SH3D19: variants seen among roughly 807,000 people sequenced by gnomAD.
The protein encoded by SH3D19 is SH3 domain containing 19.
SH3D19 carries 58 observed loss-of-function variants against 112.1 expected under a neutral mutation model. The ratio of observed to expected loss-of-function variants is 0.52; its 90% CI spans 0.42 to 0.64. The LOEUF (loss-of-function observed/expected upper bound fraction) is 0.64. SH3D19 is among the 30% of genes least tolerant of loss of function. The pLI is 0.00. For missense variants in SH3D19, 1,090 were observed against 1,263.4 expected (o/e 0.86, Z 2.08); for synonymous variants, 391 against 448.5 (o/e 0.87, Z 1.62).
intron 2 of SH3D19, among the ~76,000 whole-genome samples, chr4:151,201,718 A>T (rs1426716082): frequency 6.6e-6 from 1 of 152,252 alleles, no homozygotes; most frequent in Non-Finnish European, 1.5e-5. Context: ...ACTCTAAAAA[A>T]TAATAAAATA....
In SH3D19 at chr4:151,132,323, C is replaced by T. The variant is rs773859354; in HGVS notation, c.2742+8G>A. The T allele has an allele frequency of 5.6e-6, 9 of 1,613,464 alleles. No individual in the cohort carries two copies. Among genetic ancestry groups the T allele is most frequent in the East Asian group, 2.2e-5 (1 of 44,892 alleles). Reference sequence around the variant, plus strand: ...CTGTCACTATAGTCATCTGTTCAAGCAGCCTACCTGAGAGTTTGAGCCAGA... The same window carrying T: ...CTGTCACTATAGTCATCTGTTCAAGTAGCCTACCTGAGAGTTTGAGCCAGA... On this transcript the variant is annotated splice_region_variant and intron_variant, in intron 17 of 19. Coordinates refer to ENST00000604030, the MANE Select transcript of SH3D19 (RefSeq NM_001378122.1).
chr4:151,294,794 A>G (rs543477128), intron 1 of SH3D19, among the ~76,000 whole-genome samples: 2 of 152,368 alleles, frequency 1.3e-5, no homozygotes, highest in South Asian at 4.1e-4. Context: ...ATAAATTCAT[A>G]TTATAATAAT....
intron 1 of SH3D19, among the ~76,000 whole-genome samples, chr4:151,280,114 C>T (rs1774065953): frequency 6.6e-6 from 1 of 152,256 alleles, no homozygotes. Flanking sequence ...CAACTAGAGA[C>T]AGGGCATAGA....
intron 1 of SH3D19, among the ~76,000 whole-genome samples, chr4:151,254,289 T>A (rs1161325228): frequency 3.6e-5 from 5 of 139,388 alleles, no homozygotes; most frequent in East Asian, 2.0e-4. Flanking sequence ...AATTATTATT[T>A]TTTTTATTTT....
chr4:151,212,122 T>C (rs994921957), intron 2 of SH3D19, among the ~76,000 whole-genome samples: 1 of 152,242 alleles, frequency 6.6e-6, no homozygotes, highest in African/African-American at 2.4e-5. Flanking sequence ...CTGATGACTT[T>C]AAGTTGAAGC....
intron 2 of SH3D19, among the ~76,000 whole-genome samples, chr4:151,196,838 G>C (rs974491994): frequency 6.6e-6 from 1 of 152,078 alleles, no homozygotes; most frequent in Non-Finnish European, 1.5e-5. Context: ...CTAAGGGCAT[G>C]AATAGACAAT....
intron 1 of SH3D19, among the ~76,000 whole-genome samples, chr4:151,231,852 G>A (rs1293387344): frequency 6.6e-6 from 1 of 152,188 alleles, no homozygotes; most frequent in African/African-American, 2.4e-5. Context: ...CCCAGGAAGG[G>A]AAGAATTGGA....
intron 9 of SH3D19, among the ~76,000 whole-genome samples, chr4:151,150,752 G>A (rs977604505): frequency 3.3e-5 from 5 of 152,176 alleles, no homozygotes; most frequent in African/African-American, 7.2e-5. Context: ...GAAACTGGAA[G>A]TGTGGAGATT....
At chr4:151,189,619 CCTTGCACAAACACTATTCT>C (rs1762325400) in intron 2 of SH3D19, among the ~76,000 whole-genome samples, 1 of 152,088 alleles carries the variant, frequency 6.6e-6, no homozygotes, top group South Asian at 2.1e-4. Context: ...AGAGGCATTC[CCTTGCACAAACACTATTCT>C]CTTGTCTGCC....
chr4:151,250,570 G>A (rs535427013), intron 1 of SH3D19, among the ~76,000 whole-genome samples: 1 of 152,254 alleles, frequency 6.6e-6, no homozygotes, highest in Admixed American at 6.5e-5. Context: ...GGTGCTAGAA[G>A]TGGAGACAAT....
chr4:151,283,396 A>G (rs776714225), intron 1 of SH3D19: 15 of 902,040 alleles, frequency 1.7e-5, no homozygotes, highest in Non-Finnish European at 2.6e-5. Context: ...TGAGGGTTCT[A>G]AGAATAACTC....
At chr4:151,194,202 A>AT (rs1396160993) in intron 2 of SH3D19, among the ~76,000 whole-genome samples, 4 of 150,038 alleles carry the variant, frequency 2.7e-5, no homozygotes, top group Non-Finnish European at 4.4e-5. Flanking sequence ...GTTTTTTTGT[A>AT]TTTTTAGTAG....
chr4:151,189,105 GT>G (rs1466931274), intron 2 of SH3D19, among the ~76,000 whole-genome samples: 1 of 151,918 alleles, frequency 6.6e-6, no homozygotes. Flanking sequence ...TTCTGTTTTT[GT>G]TTTTGTTTTT....
chr4:151,259,897 C>T (rs887309618), intron 1 of SH3D19, among the ~76,000 whole-genome samples: 10 of 152,230 alleles, frequency 6.6e-5, no homozygotes, highest in Admixed American at 5.9e-4. Context: ...CAATTCGAAG[C>T]CTCTACCCAG....
At chr4:151,232,439 T>C (rs370082094) in intron 1 of SH3D19, among the ~76,000 whole-genome samples, 9 of 152,146 alleles carry the variant, frequency 5.9e-5, no homozygotes, top group African/African-American at 1.7e-4. Context: ...GTGACATTCT[T>C]AGCACCCTGT....
At chr4:151,257,983 A>G (rs1473930852) in intron 1 of SH3D19, among the ~76,000 whole-genome samples, 6 of 152,228 alleles carry the variant, frequency 3.9e-5, no homozygotes, top group African/African-American at 1.4e-4. Context: ...TGTGCCACAC[A>G]TACAAATGCT....
At chr4:151,173,635 T>G (rs1759435811) in intron 7 of SH3D19, among the ~76,000 whole-genome samples, 1 of 152,268 alleles carries the variant, frequency 6.6e-6, no homozygotes, top group Non-Finnish European at 1.5e-5. Flanking sequence ...CATGTATGTC[T>G]TTTAGTTTAT....
chr4:151,303,524 A>G (rs1728653929), intron 1 of SH3D19, among the ~76,000 whole-genome samples: 2 of 152,202 alleles, frequency 1.3e-5, no homozygotes, highest in Non-Finnish European at 2.9e-5. Flanking sequence ...ATAAACATTC[A>G]TTGTAAGTAA....
At chr4:151,125,383 G>A (rs1748981447) in intron 19 of SH3D19, among the ~76,000 whole-genome samples, 1 of 151,626 alleles carries the variant, frequency 6.6e-6, no homozygotes, top group South Asian at 2.1e-4. Flanking sequence ...AGAATCGCTT[G>A]AGCCCAGGAA....
Sources: gnomAD v4.1 joint callset for allele counts (sites outside exome capture counted in the v4.1 genomes callset) on GRCh38, gnomAD v4.1.1 for gene constraint, MANE v1.5 for transcripts, NCBI Gene and HGNC (gene_info 2026-07-23, HGNC 2026-07-21) for gene names.